Variants in TRPM7 observed in about 807,000 individuals in gnomAD.
TRPM7 encodes LTRPC ion channel family member 7.
Under a neutral mutation model 229.7 loss-of-function variants are expected in TRPM7, and 134 were observed. That is an observed-to-expected ratio of 0.58 (90% CI 0.51 to 0.67). The LOEUF (loss-of-function observed/expected upper bound fraction) is 0.67. TRPM7 is among the 30% of genes least tolerant of loss of function. TRPM7 has a pLI of 0.00. For synonymous variants in TRPM7, 699 were observed against 715.2 expected (o/e 0.98, Z 0.36); for missense variants, 1,901 against 2,210.0 (o/e 0.86, Z 2.80).
chr15:50,665,507 T>A (rs1455325729), intron 1 of TRPM7, among the ~76,000 whole-genome samples: 1 of 151,964 alleles, frequency 6.6e-6, no homozygotes, highest in East Asian at 1.9e-4. Context: ...ATTAACATAA[T>A]GTAAATAAAA....
Position 50,592,396 on chromosome 15 carries a change from T to A in TRPM7, c.3839A>T (p.Asp1280Val). The A allele has an allele frequency of 6.2e-7, 1 of 1,614,188 alleles. No homozygotes were observed. Among genetic ancestry groups the A allele is most frequent in the Non-Finnish European group, 8.5e-7 (1 of 1,180,026 alleles). ...ISKHLAQNLIDDGPVRPSVWK... is the reference protein window; with the variant it reads ...ISKHLAQNLIVDGPVRPSVWK... Reference sequence around the variant, plus strand: ...TACAGAAGGTCTTACAGGACCATCATCAATAAGGTTTTGAGCCAAGTGTTT... The same window carrying A: ...TACAGAAGGTCTTACAGGACCATCAACAATAAGGTTTTGAGCCAAGTGTTT... The change falls in exon 26 of 39, where the codon GAT becomes GTT. Residue 1280 changes from aspartate (D) to valine (V), a missense_variant. By Grantham distance (152) the Asp-to-Val change is radical. This residue lies in a region of TRPM7 where 533 missense variants were observed against 497.1 expected (regional missense o/e 1.07). Coordinates refer to ENST00000646667, the MANE Select transcript of TRPM7 (RefSeq NM_017672.6).
chr15:50,667,079 C>G (rs914226240), intron 1 of TRPM7, among the ~76,000 whole-genome samples: 2 of 152,088 alleles, frequency 1.3e-5, no homozygotes, highest in African/African-American at 4.8e-5. Context: ...AGGGATGATA[C>G]TGAGGAGACC....
At chr15:50,615,072 G>A (rs1210093557) in intron 13 of TRPM7, among the ~76,000 whole-genome samples, 3 of 150,620 alleles carry the variant, frequency 2.0e-5, no homozygotes, top group African/African-American at 7.3e-5. Context: ...TTGGGAGGCT[G>A]AGGTAGGAAA....
chr15:50,635,715 C>T (rs1017660186), intron 7 of TRPM7, among the ~76,000 whole-genome samples: 5 of 141,014 alleles, frequency 3.5e-5, no homozygotes, highest in Non-Finnish European at 1.5e-5. Context: ...TATGGTGGCT[C>T]ATGCCTGTAA....
At chr15:50,575,970 A>G (rs762509268) in intron 31 of TRPM7, 51 bp from the exon 32 acceptor site, 44 of 1,557,412 alleles carry the variant, frequency 2.8e-5, no homozygotes, top group Non-Finnish European at 3.5e-5. Flanking sequence ...CTAGTACAGC[A>G]AAAATTTTAA....
At chr15:50,582,763 GC>G (rs1182608201) in intron 29 of TRPM7, among the ~76,000 whole-genome samples, 1 of 152,082 alleles carries the variant, frequency 6.6e-6, no homozygotes, top group African/African-American at 2.4e-5. Flanking sequence ...CTTTTCCTGA[GC>G]TTTTTGTCTT....
At chr15:50,653,691 T>C (rs758205071) in intron 3 of TRPM7, among the ~76,000 whole-genome samples, 10 of 152,124 alleles carry the variant, frequency 6.6e-5, no homozygotes, top group Non-Finnish European at 1.2e-4. Flanking sequence ...AACAGAATTC[T>C]AGGCTGTTGA....
intron 1 of TRPM7, among the ~76,000 whole-genome samples, chr15:50,680,217 G>A (rs985500279): frequency 6.6e-6 from 1 of 151,828 alleles, no homozygotes; most frequent in Non-Finnish European, 1.5e-5. Context: ...CTGGGTGACA[G>A]AGCAAGACTC....
chr15:50,611,367 A>G (rs2060058037), intron 16 of TRPM7, 46 bp from the exon 17 acceptor site: 2 of 1,426,700 alleles, frequency 1.4e-6, no homozygotes, highest in Admixed American at 3.8e-5. Flanking sequence ...AACAAACTGC[A>G]ATTTTAAACC....
At chr15:50,645,415 C>T (rs935273152) in intron 4 of TRPM7, among the ~76,000 whole-genome samples, 5 of 152,098 alleles carry the variant, frequency 3.3e-5, no homozygotes, top group Non-Finnish European at 5.9e-5. Context: ...GCTGGAATGC[C>T]TCCCGGGTTC....
intron 22 of TRPM7, 108 bp downstream of exon 22, chr15:50,599,014 G>T: frequency 1.3e-6 from 1 of 796,796 alleles, no homozygotes; most frequent in Non-Finnish European, 2.0e-6. Flanking sequence ...GTGGGGCTTA[G>T]GTTGGTAATA....
At chr15:50,626,631 A>G (rs1275543948) in intron 11 of TRPM7, among the ~76,000 whole-genome samples, 1 of 152,252 alleles carries the variant, frequency 6.6e-6, no homozygotes, top group Non-Finnish European at 1.5e-5. Context: ...CCAAGCCTTT[A>G]CATCTGAGAA....
intron 3 of TRPM7, among the ~76,000 whole-genome samples, chr15:50,651,289 AGAT>A (rs2061413629): frequency 2.6e-5 from 4 of 152,210 alleles, no homozygotes; most frequent in Non-Finnish European, 4.4e-5. Flanking sequence ...GAAAAGAACG[AGAT>A]GATGGAATTA....
chr15:50,579,476 C>T (rs1004864813), intron 30 of TRPM7, among the ~76,000 whole-genome samples: 10 of 152,190 alleles, frequency 6.6e-5, no homozygotes, highest in African/African-American at 1.2e-4. Flanking sequence ...CCTTTGCCTG[C>T]TGCTAATCAA....
chr15:50,634,543 A>G lies in TRPM7; in HGVS notation c.846T>C (p.Gly282=), dbSNP rs773855883. ...QQRIHARIGQ[G]VPVVALIFEG... ...CAAATATAAGTGCCACCACAGGGAC[A>G]CCCTGGCCAATCCCTAAAAAGAGCA... Residue 282 remains glycine (G), a synonymous_variant, in exon 8 of 39, where the codon GGT becomes GGC. Transcript: ENST00000646667. 1 of 1,459,404 alleles carries G rather than the reference A, an allele frequency of 6.9e-7. No individual in the cohort carries two copies. Among genetic ancestry groups the G allele is most frequent in the South Asian group, 1.6e-5 (1 of 62,232 alleles). 90.4% of individuals were successfully genotyped at this position (1,459,404 alleles called of 1,614,324 possible).
In TRPM7 at chr15:50,612,705, A is replaced by G. The variant is rs2060094900; in HGVS notation, c.1895T>C (p.Met632Thr). Residue 632 changes from methionine to threonine, a missense_variant, in exon 16 of 39, where the codon ATG (methionine) becomes ACG (threonine). Physicochemically the swap from Met to Thr is moderately conservative, Grantham distance 81. This residue lies in a region of TRPM7 where 794 missense variants were observed against 881.9 expected (regional missense o/e 0.90). Transcript: ENST00000646667. Reference sequence around the variant, plus strand: ...AAAACGGGCCATGACCTGCCTCTTCATAAGGCAAGCCCAAATTAAAAGTTC... The same window carrying G: ...AAAACGGGCCATGACCTGCCTCTTCGTAAGGCAAGCCCAAATTAAAAGTTC... ...LNELLIWACL[M>T]KRQVMARFLW... The G allele has an allele frequency of 2.5e-6, 4 of 1,614,158 alleles. No individual in the cohort carries two copies. In the East Asian group the frequency reaches 8.9e-5, roughly 36 times the overall value.
intron 15 of TRPM7, among the ~76,000 whole-genome samples, chr15:50,613,333 C>G (rs1157407680): frequency 6.6e-6 from 1 of 151,926 alleles, no homozygotes; most frequent in East Asian, 1.9e-4. Context: ...GAAACCCAGT[C>G]TCTACTAAAA....
At chr15:50,616,322 G>A (rs1284472268) in intron 13 of TRPM7, among the ~76,000 whole-genome samples, 1 of 152,112 alleles carries the variant, frequency 6.6e-6, no homozygotes, top group Non-Finnish European at 1.5e-5. Flanking sequence ...TATAGCCACC[G>A]ATGTAACAAC....
chr15:50,635,785 T>C (rs2060884509), intron 7 of TRPM7, among the ~76,000 whole-genome samples: 1 of 150,750 alleles, frequency 6.6e-6, no homozygotes, highest in African/African-American at 2.4e-5. Context: ...AAAAGCAGCC[T>C]GGCCAACATA....
Sources: gnomAD v4.1 joint callset for allele counts (sites outside exome capture counted in the v4.1 genomes callset) on GRCh38, gnomAD v4.1.1 for gene constraint, gnomAD v4.1.1 regional missense constraint, MANE v1.5 for transcripts, NCBI Gene and HGNC (gene_info 2026-07-23, HGNC 2026-07-21) for gene names.